Variants in SLCO3A1 observed in about 807,000 individuals in gnomAD.
The protein encoded by SLCO3A1 is PGE1 transporter.
In SLCO3A1, 27 loss-of-function variants were observed where a neutral mutation model predicts 63.1. That is an observed-to-expected ratio of 0.43 (90% CI 0.32 to 0.59). The LOEUF is 0.59. Ranked by LOEUF, SLCO3A1 falls within the 20% of genes least tolerant of loss-of-function variation. SLCO3A1 has a pLI of 0.09. For missense variants in SLCO3A1, 773 were observed against 945.8 expected (o/e 0.82, Z 2.40); for synonymous variants, 473 against 409.9 (o/e 1.15, Z -1.86).
intron 2 of SLCO3A1, among the ~76,000 whole-genome samples, chr15:92,037,326 G>C (rs1039950150): frequency 1.3e-5 from 2 of 152,174 alleles, no homozygotes; most frequent in Non-Finnish European, 2.9e-5. Flanking sequence ...CCTCCAAACA[G>C]CTCTCTCTGT....
intron 1 of SLCO3A1, among the ~76,000 whole-genome samples, chr15:91,896,228 A>G (rs765818139): frequency 4.6e-5 from 7 of 152,200 alleles, no homozygotes; most frequent in Admixed American, 2.6e-4. Context: ...GCATAAGCAT[A>G]TGCACCTCTC....
intron 9 of SLCO3A1, among the ~76,000 whole-genome samples, chr15:92,155,695 T>A (rs1406883464): frequency 6.6e-6 from 1 of 152,088 alleles, no homozygotes; most frequent in East Asian, 1.9e-4. Context: ...TAAAGACAGA[T>A]GGGAGCCACA....
intron 5 of SLCO3A1, among the ~76,000 whole-genome samples, chr15:92,122,933 T>G (rs1235264196): frequency 6.6e-6 from 1 of 152,082 alleles, no homozygotes; most frequent in Non-Finnish European, 1.5e-5. Context: ...AATAGTTAAT[T>G]GAGGTGACAG....
intron 1 of SLCO3A1, among the ~76,000 whole-genome samples, chr15:91,866,286 A>C (rs1429007478): frequency 6.6e-6 from 1 of 152,228 alleles, no homozygotes; most frequent in Non-Finnish European, 1.5e-5. Context: ...GTGTATGTAC[A>C]TAGGTACTCA....
chr15:92,028,549 C>T (rs1048477354), intron 2 of SLCO3A1, among the ~76,000 whole-genome samples: 5 of 152,184 alleles, frequency 3.3e-5, no homozygotes, highest in Non-Finnish European at 5.9e-5. Context: ...AGAAAAGACA[C>T]AAATTCCAGC....
rs558252040 is a variant in SLCO3A1 at position 91,965,506 on chromosome 15, A to G, written c.646+49048A>G. Among the ~76,000 whole-genome samples, 9 of 152,296 alleles carry G rather than the reference A, an allele frequency of 5.9e-5. No homozygotes were observed. The East Asian group carries it at 9.7e-4, about 16-fold the overall frequency. On this transcript the variant is annotated intron_variant, in intron 2 of 9. Coordinates refer to ENST00000318445, the MANE Select transcript of SLCO3A1 (RefSeq NM_013272.4). ...ATATCCTTCATTGACTGTTCACTTTAGAATCCAGGATTGAGACTCCCACCC... is the reference window on the plus strand; with the variant it reads ...ATATCCTTCATTGACTGTTCACTTTGGAATCCAGGATTGAGACTCCCACCC...
At chr15:91,892,954 G>T (rs1430104484) in intron 1 of SLCO3A1, among the ~76,000 whole-genome samples, 3 of 152,232 alleles carry the variant, frequency 2.0e-5, no homozygotes, top group Non-Finnish European at 4.4e-5. Context: ...ACAATGTTTT[G>T]TTACTGTTAT....
At chr15:92,109,984 G>T (rs2047709721) in intron 4 of SLCO3A1, among the ~76,000 whole-genome samples, 1 of 152,074 alleles carries the variant, frequency 6.6e-6, no homozygotes, top group African/African-American at 2.4e-5. Flanking sequence ...TCCTGTAAGG[G>T]TTCACTAAAT....
At chr15:92,055,340 A>G (rs2047008956) in intron 2 of SLCO3A1, among the ~76,000 whole-genome samples, 2 of 152,034 alleles carry the variant, frequency 1.3e-5, no homozygotes, top group Non-Finnish European at 2.9e-5. Flanking sequence ...TAGATTCTGG[A>G]TATTAGACCT....
At chr15:92,094,857 A>G (rs765311316) in intron 2 of SLCO3A1, 24 bp from the exon 3 acceptor site, 11 of 1,530,406 alleles carry the variant, frequency 7.2e-6, no homozygotes, top group East Asian at 2.2e-5. Context: ...TTTGTAATCT[A>G]TTTTTTTCTT....
intron 2 of SLCO3A1, among the ~76,000 whole-genome samples, chr15:91,973,939 G>C (rs1346541553): frequency 2.6e-5 from 4 of 152,094 alleles, no homozygotes; most frequent in South Asian, 4.1e-4. Context: ...CATCATTCCT[G>C]GCTCAAAATT....
At chr15:91,899,088 T>C (rs959882666) in intron 1 of SLCO3A1, among the ~76,000 whole-genome samples, 7 of 152,210 alleles carry the variant, frequency 4.6e-5, no homozygotes, top group African/African-American at 1.7e-4. Context: ...TTAAACAGCA[T>C]TGGAATCTCC....
At position 92,151,193 on chromosome 15, in the gene SLCO3A1, C is replaced by G; in HGVS notation, c.1753+179C>G. On this transcript the variant is annotated intron_variant, in intron 9 of 9. Transcript: ENST00000318445. Reference sequence around the variant, plus strand: ...GGTCAGAGATAAACTCAGACACTGCCTCGATATCACGAAGTTCTCATTTAT... The same window carrying G: ...GGTCAGAGATAAACTCAGACACTGCGTCGATATCACGAAGTTCTCATTTAT... 5.3e-6 allele frequency: 3 copies of G among 561,720 alleles called. No individual in the cohort carries two copies. In the South Asian group the frequency reaches 7.2e-5, roughly 13 times the overall value. The allele number at this position is 561,720 out of a possible 1,614,324, so 34.8% of individuals were successfully genotyped here.
intron 2 of SLCO3A1, among the ~76,000 whole-genome samples, chr15:91,975,153 A>G (rs1296006001): frequency 6.6e-6 from 1 of 152,212 alleles, no homozygotes. Context: ...TTCTCTTTTT[A>G]CCATTTAGGG....
intron 3 of SLCO3A1, among the ~76,000 whole-genome samples, chr15:92,096,151 C>G (rs1175652182): frequency 1.3e-5 from 2 of 152,312 alleles, no homozygotes; most frequent in Non-Finnish European, 2.9e-5. Context: ...GGTCTTGGAT[C>G]ATCCCAAGGC....
intron 3 of SLCO3A1, among the ~76,000 whole-genome samples, chr15:92,098,958 TC>T (rs2047572006): frequency 6.6e-6 from 1 of 152,214 alleles, no homozygotes; most frequent in Non-Finnish European, 1.5e-5. Flanking sequence ...GAGCAGGGAT[TC>T]ATCCCCAGGC....
chr15:91,955,548 G>T (rs1021583176), intron 2 of SLCO3A1, among the ~76,000 whole-genome samples: 7 of 152,082 alleles, frequency 4.6e-5, no homozygotes, highest in Non-Finnish European at 8.8e-5. Context: ...GGCCAGGCTG[G>T]TCTTGAACTC....
chr15:92,094,169 C>T (rs952162135), intron 2 of SLCO3A1, among the ~76,000 whole-genome samples: 1 of 152,148 alleles, frequency 6.6e-6, no homozygotes, highest in South Asian at 2.1e-4. Flanking sequence ...GGTATTGTAT[C>T]GATCAGATAC....
chr15:91,981,883 G>A lies in SLCO3A1; in HGVS notation c.646+65425G>A, dbSNP rs143578307. ...CCCTTACCAGTGGCATGTACAACCC[G>A]TTGCCCAAAGTTGATGCCCATGGAC... On this transcript the variant is annotated intron_variant, in intron 2 of 9. Transcript: ENST00000318445. Among the ~76,000 whole-genome samples, 6 of 152,358 alleles carry A rather than the reference G, an allele frequency of 3.9e-5. No homozygotes were observed. The East Asian group carries it at 5.8e-4, about 15-fold the overall frequency.
Sources: gnomAD v4.1 joint callset for allele counts (sites outside exome capture counted in the v4.1 genomes callset) on GRCh38, gnomAD v4.1.1 for gene constraint, MANE v1.5 for transcripts, NCBI Gene and HGNC (gene_info 2026-07-23, HGNC 2026-07-21) for gene names.